The following ZNF804B variants were observed in gnomAD, a reference collection of about 807,000 sequenced individuals.
ZNF804B encodes zinc finger 804B.
Under a neutral mutation model 101.4 loss-of-function variants are expected in ZNF804B, and 80 were observed. The ratio of observed to expected loss-of-function variants is 0.79; its 90% CI spans 0.66 to 0.95. The LOEUF is 0.95. Ranked by LOEUF, ZNF804B falls within the 40% of genes least tolerant of loss-of-function variation. The probability of loss-of-function intolerance (pLI) is 0.00; values close to 1 mark genes in which losing one functional copy is unlikely to be tolerated. For synonymous variants in ZNF804B, 622 were observed against 558.8 expected, an observed-to-expected ratio of 1.11 and a Z score of -1.59; for missense variants, 1,673 against 1,561.9, an observed-to-expected ratio of 1.07 and a Z score of -1.20.
At chr7:88,939,386 GTGTT>G (rs1216504033) in intron 1 of ZNF804B, among the ~76,000 whole-genome samples, 3 of 151,686 alleles carry the variant, frequency 2.0e-5, no homozygotes, top group African/African-American at 4.8e-5. Flanking sequence ...TTTTTAATCT[GTGTT>G]TGGTTGAATC....
rs761680312 is a variant in ZNF804B at position 88,845,320 on chromosome 7, C to CACAA, written c.108+85237_108+85238insCAAA. On this transcript the variant is annotated intron_variant, in intron 1 of 3. Transcript: ENST00000333190. ...GCGCGCGCACACACACACACACACA[C>CACAA]AATAACAACACACAGTATACAAAAT... Among the ~76,000 whole-genome samples the CACAA allele has an allele frequency of 6.0e-5, 9 of 151,236 alleles. No individual in the cohort carries two copies. The East Asian group carries it at 1.8e-3, about 30-fold the overall frequency.
At chr7:89,243,108 C>T (rs1009222744) in intron 2 of ZNF804B, among the ~76,000 whole-genome samples, 1 of 151,686 alleles carries the variant, frequency 6.6e-6, no homozygotes. Context: ...CATTAATCTT[C>T]TTATATAATC....
intron 1 of ZNF804B, among the ~76,000 whole-genome samples, chr7:88,873,678 T>A (rs1791876586): frequency 6.6e-6 from 1 of 152,192 alleles, no homozygotes; most frequent in Non-Finnish European, 1.5e-5. Context: ...AGTTTCAGCT[T>A]TCTACATATG....
intron 1 of ZNF804B, among the ~76,000 whole-genome samples, chr7:88,865,007 T>A (rs1245695690): frequency 6.6e-6 from 1 of 152,056 alleles, no homozygotes; most frequent in Non-Finnish European, 1.5e-5. Flanking sequence ...GGCAGGTGGA[T>A]CACCTGAGGT....
chr7:89,036,161 A>G (rs1788923999), intron 1 of ZNF804B, among the ~76,000 whole-genome samples: 1 of 150,840 alleles, frequency 6.6e-6, no homozygotes, highest in African/African-American at 2.4e-5. Flanking sequence ...GGTCATATAT[A>G]GAGATATATA....
At chr7:89,103,046 C>CTGTTTTTTTTTTTTTTTTTTTTTTT (rs1790080729) in intron 1 of ZNF804B, among the ~76,000 whole-genome samples, 1 of 31,564 alleles carries the variant, frequency 3.2e-5, no homozygotes, top group African/African-American at 1.3e-4. Flanking sequence ...ACCTATGTGT[C>CTGTTTTTTTTTTTTTTTTTTTTTTT]TGTTTTTTTT....
chr7:89,195,052 T>A (rs1788524723), intron 1 of ZNF804B, among the ~76,000 whole-genome samples: 1 of 151,552 alleles, frequency 6.6e-6, no homozygotes, highest in South Asian at 2.1e-4. Flanking sequence ...AATCAATAAA[T>A]GTAATCCAGC....
chr7:89,091,035 T>A (rs1789878275), intron 1 of ZNF804B, among the ~76,000 whole-genome samples: 1 of 152,188 alleles, frequency 6.6e-6, no homozygotes, highest in Admixed American at 6.5e-5. Context: ...TTTCCATACA[T>A]AATGCTTCGT....
At chr7:89,144,133 C>T (rs1790755401) in intron 1 of ZNF804B, among the ~76,000 whole-genome samples, 1 of 152,108 alleles carries the variant, frequency 6.6e-6, no homozygotes, top group East Asian at 1.9e-4. Flanking sequence ...AGAGAATATA[C>T]ATTTGAATTC....
intron 1 of ZNF804B, among the ~76,000 whole-genome samples, chr7:88,843,330 G>A (rs369911668): frequency 1.4e-4 from 22 of 152,096 alleles, no homozygotes; most frequent in South Asian, 4.1e-4. Context: ...AATGATTGTG[G>A]TAACTTAAGT....
chr7:88,974,219 A>G (rs1028523279), intron 1 of ZNF804B, among the ~76,000 whole-genome samples: 3 of 151,338 alleles, frequency 2.0e-5, no homozygotes, highest in Non-Finnish European at 4.4e-5. Context: ...AATATGAAAA[A>G]TAGTAAACAC....
At position 89,336,082 on chromosome 7, in the gene ZNF804B, G is replaced by A. The variant is rs2116009236; in HGVS notation, c.3100G>A (p.Val1034Ile). 1 of 1,613,936 alleles carries A rather than the reference G, an allele frequency of 6.2e-7. No homozygotes were observed. The highest frequency in any genetic ancestry group is 1.1e-5 in the South Asian group (1 of 91,084). The change falls in exon 4 of 4, where the codon GTA becomes ATA. Residue 1034 changes from valine to isoleucine, a missense_variant. By Grantham distance (29) the Val-to-Ile change is conservative. Coordinates refer to ENST00000333190, the MANE Select transcript of ZNF804B (RefSeq NM_181646.5). The stretch of plus-strand genomic sequence containing the variant: ...TCTTTCTAAAGGTATAATTCACCTA[G>A]TAACAGAGTCTCAGTCACTAAACAT... ...NHLSKGIIHLVTESQSLNIKR... is the reference protein window; with the variant it reads ...NHLSKGIIHLITESQSLNIKR...
chr7:89,119,994 A>G (rs1196939731), intron 1 of ZNF804B, among the ~76,000 whole-genome samples: 2 of 151,810 alleles, frequency 1.3e-5, no homozygotes, highest in East Asian at 3.9e-4. Flanking sequence ...GAGCAGACAT[A>G]GAGTTACTAG....
At chr7:88,914,326 T>TA (rs1241874151) in intron 1 of ZNF804B, among the ~76,000 whole-genome samples, 14 of 152,178 alleles carry the variant, frequency 9.2e-5, no homozygotes, top group Admixed American at 2.0e-4. Flanking sequence ...GGGTCCATGT[T>TA]TGGCGTGCTC....
At chr7:88,825,963 G>A (rs575000545) in intron 1 of ZNF804B, among the ~76,000 whole-genome samples, 1 of 152,186 alleles carries the variant, frequency 6.6e-6, no homozygotes, top group South Asian at 2.1e-4. Flanking sequence ...TGTGAAGTCA[G>A]TTTTGACTGC....
chr7:88,773,848 T>A (rs1044668253), intron 1 of ZNF804B, among the ~76,000 whole-genome samples: 1 of 152,004 alleles, frequency 6.6e-6, no homozygotes, highest in Non-Finnish European at 1.5e-5. Flanking sequence ...TCGGATCACC[T>A]GAGAACTCAT....
In ZNF804B at chr7:89,337,195, G is replaced by A. The variant is rs1489971499; in HGVS notation, c.*163G>A. ...CTGAATTGCTAATACTAAAACAAGA[G>A]CATTTTAATAATTTTTTAGCTTGCC... On this transcript the variant is annotated 3_prime_UTR_variant, in exon 4 of 4. Coordinates refer to ENST00000333190, the MANE Select transcript of ZNF804B (RefSeq NM_181646.5). 8 of 773,064 alleles carry A rather than the reference G, an allele frequency of 1.0e-5. No homozygotes were observed. The highest frequency in any genetic ancestry group is 1.3e-5 in the Non-Finnish European group (7 of 521,122). The allele number at this position is 773,064 out of a possible 1,614,324, so 47.9% of individuals were successfully genotyped here.
rs2115982923 is a variant in ZNF804B, at chr7:89,327,404, G to A, written c.310G>A (p.Asp104Asn). The A allele has an allele frequency of 6.2e-7, 1 of 1,611,392 alleles. No individual in the cohort carries two copies. Among genetic ancestry groups the A allele is most frequent in the Non-Finnish European group, 8.5e-7 (1 of 1,178,498 alleles). The change falls in exon 3 of 4, where the codon GAT (aspartate) becomes AAT (asparagine). Residue 104 changes from aspartate to asparagine, a missense_variant. By Grantham distance (23) the Asp-to-Asn change is conservative. Coordinates refer to ENST00000333190, the MANE Select transcript of ZNF804B (RefSeq NM_181646.5). ...ARNVASKSWK[D>N]EKKQEKALKR... ...AAATGTAGCTTCTAAGTCATGGAAAGATGAGAAAAAACAAGAAAAAGCACT... is the reference window on the plus strand; with the variant it reads ...AAATGTAGCTTCTAAGTCATGGAAAAATGAGAAAAAACAAGAAAAAGCACT...
At chr7:88,922,626 T>TATACAC (rs57940902) in intron 1 of ZNF804B, among the ~76,000 whole-genome samples, 2 of 84,104 alleles carry the variant, frequency 2.4e-5, no homozygotes, top group African/African-American at 8.5e-5. Flanking sequence ...TATATATATA[T>TATACAC]ACACACACAC....
Sources: allele counts gnomAD v4.1 joint callset (sites outside exome capture counted in the v4.1 genomes callset), GRCh38; gene constraint gnomAD v4.1.1; transcripts MANE v1.5; gene names NCBI Gene and HGNC (gene_info 2026-07-23, HGNC 2026-07-21).